FSHR: variants seen among roughly 807,000 people sequenced by gnomAD.
The protein encoded by FSHR is follicle-stimulating hormone receptor.
Under a neutral mutation model 52.1 loss-of-function variants are expected in FSHR, and 46 were observed. The ratio of observed to expected loss-of-function variants is 0.88; its 90% CI spans 0.70 to 1.13. FSHR has a LOEUF of 1.13. Ranked by LOEUF, FSHR falls within the 50% of genes most tolerant of loss-of-function variation. The pLI is 0.00. For synonymous variants in FSHR, 399 were observed against 309.6 expected, an observed-to-expected ratio of 1.29 and a Z score of -3.03; for missense variants, 964 against 834.6, an observed-to-expected ratio of 1.16 and a Z score of -1.91.
intron 2 of FSHR, among the ~76,000 whole-genome samples, chr2:49,065,889 C>T (rs1220570338): frequency 6.6e-6 from 1 of 151,884 alleles, no homozygotes; most frequent in Non-Finnish European, 1.5e-5. Flanking sequence ...AGTGTGGTAT[C>T]CCAGAAGTTA....
At chr2:49,055,396 C>A (rs1423839028) in intron 2 of FSHR, among the ~76,000 whole-genome samples, 1 of 149,992 alleles carries the variant, frequency 6.7e-6, no homozygotes, top group Non-Finnish European at 1.5e-5. Flanking sequence ...CATAGTTAAC[C>A]AAATAAATAT....
chr2:49,144,546 TTCA>T (rs768263123), intron 1 of FSHR, among the ~76,000 whole-genome samples: 15 of 152,216 alleles, frequency 9.9e-5, no homozygotes, highest in Non-Finnish European at 1.6e-4. Flanking sequence ...CTCTTTGCTG[TTCA>T]TCATAATTGT....
chr2:48,978,476 A>G (rs1217182536), intron 8 of FSHR, among the ~76,000 whole-genome samples: 1 of 152,288 alleles, frequency 6.6e-6, no homozygotes, highest in Non-Finnish European at 1.5e-5. Flanking sequence ...AATCTGAACT[A>G]TCAAATGAAT....
intron 2 of FSHR, among the ~76,000 whole-genome samples, chr2:49,026,532 C>T (rs533806552): frequency 6.6e-6 from 1 of 152,276 alleles, no homozygotes; most frequent in South Asian, 2.1e-4. Context: ...AGTCAAAGTT[C>T]CAAGCAGCAA....
intron 4 of FSHR, among the ~76,000 whole-genome samples, chr2:48,994,912 G>A (rs1282843755): frequency 6.6e-6 from 1 of 152,070 alleles, no homozygotes; most frequent in Non-Finnish European, 1.5e-5. Flanking sequence ...TTAATCTTCA[G>A]GTTGTAAAGT....
intron 2 of FSHR, among the ~76,000 whole-genome samples, chr2:49,022,781 A>G (rs4246578): frequency 0.091 from 13,920 of 152,202 alleles, 1,216 homozygotes; most frequent in East Asian, 0.24. Flanking sequence ...CTTTTCCAGA[A>G]CAGTGCAAGG....
At chr2:49,063,098 G>T (rs183807723) in intron 2 of FSHR, among the ~76,000 whole-genome samples, 7 of 152,222 alleles carry the variant, frequency 4.6e-5, no homozygotes, top group African/African-American at 1.7e-4. Flanking sequence ...GTATTCAAAT[G>T]CAAGGAGAGG....
intron 1 of FSHR, among the ~76,000 whole-genome samples, chr2:49,118,373 A>T (rs1307657084): frequency 2.0e-5 from 3 of 152,104 alleles, no homozygotes; most frequent in Non-Finnish European, 4.4e-5. Context: ...TCAACTAGTG[A>T]GCTCATTCAC....
chr2:49,139,759 G>T (rs556189517), intron 1 of FSHR, among the ~76,000 whole-genome samples: 1 of 151,826 alleles, frequency 6.6e-6, no homozygotes, highest in Non-Finnish European at 1.5e-5. Context: ...GACCATGCCC[G>T]GCTAACTTTT....
chr2:49,110,549 G>A (rs1671386098), intron 1 of FSHR, among the ~76,000 whole-genome samples: 1 of 152,132 alleles, frequency 6.6e-6, no homozygotes, highest in South Asian at 2.1e-4. Context: ...GTTGTTAGTT[G>A]ACTACATATT....
At chr2:49,043,146 T>C (rs1668537915) in intron 2 of FSHR, among the ~76,000 whole-genome samples, 1 of 152,152 alleles carries the variant, frequency 6.6e-6, no homozygotes, top group Admixed American at 6.5e-5. Context: ...TTCATTCCTT[T>C]CCAAGTTTAA....
intron 3 of FSHR, among the ~76,000 whole-genome samples, chr2:49,019,855 A>G (rs951963873): frequency 4.6e-5 from 7 of 152,208 alleles, no homozygotes; most frequent in African/African-American, 1.7e-4. Flanking sequence ...TGGGTCTATG[A>G]TGCAAAAAAT....
At chr2:49,072,403 A>C (rs1357565144) in intron 1 of FSHR, among the ~76,000 whole-genome samples, 1 of 152,176 alleles carries the variant, frequency 6.6e-6, no homozygotes, top group Non-Finnish European at 1.5e-5. Flanking sequence ...TTGTAGATTT[A>C]AATTATTGTA....
At chr2:49,095,207 A>G (rs1670776868) in intron 1 of FSHR, among the ~76,000 whole-genome samples, 1 of 152,194 alleles carries the variant, frequency 6.6e-6, no homozygotes, top group African/African-American at 2.4e-5. Context: ...TTGAGGACTC[A>G]TACTTCATGA....
chr2:49,009,701 C>T (rs1002187198), intron 4 of FSHR, among the ~76,000 whole-genome samples: 9 of 146,522 alleles, frequency 6.1e-5, no homozygotes, highest in African/African-American at 2.0e-4. Context: ...CTTTTATTTC[C>T]TTGAGCAGTG....
chr2:49,079,589 CACAA>C (rs766773295), intron 1 of FSHR, among the ~76,000 whole-genome samples: 6 of 151,678 alleles, frequency 4.0e-5, no homozygotes, highest in Non-Finnish European at 7.4e-5. Context: ...GGAAATAAAC[CACAA>C]ACAAAGGAAT....
intron 1 of FSHR, among the ~76,000 whole-genome samples, chr2:49,152,162 ACTTTCT>A (rs1673085883): frequency 6.6e-6 from 1 of 152,150 alleles, no homozygotes; most frequent in African/African-American, 2.4e-5. Context: ...CCTGGCAGGA[ACTTTCT>A]TTCCTTTTCT....
intron 2 of FSHR, among the ~76,000 whole-genome samples, chr2:49,028,772 G>A (rs751203871): frequency 6.6e-6 from 1 of 152,148 alleles, no homozygotes; most frequent in Non-Finnish European, 1.5e-5. Flanking sequence ...GGTTGGAGGT[G>A]CCCAGAACAA....
At chr2:49,036,493 A>G (rs1668275778) in intron 2 of FSHR, among the ~76,000 whole-genome samples, 2 of 132,786 alleles carry the variant, frequency 1.5e-5, no homozygotes, top group African/African-American at 5.6e-5. Flanking sequence ...CTATATTTGC[A>G]TCTGTATATC....
Sources: gnomAD v4.1 joint callset for allele counts (sites outside exome capture counted in the v4.1 genomes callset) on GRCh38, gnomAD v4.1.1 for gene constraint, MANE v1.5 for transcripts, NCBI Gene and HGNC (gene_info 2026-07-23, HGNC 2026-07-21) for gene names.